Variants in LRRTM4 observed in about 807,000 individuals in gnomAD.
LRRTM4 encodes leucine rich repeat transmembrane neuronal 4, also known as leucine-rich repeat transmembrane neuronal protein 4.
In LRRTM4, 25 loss-of-function variants were observed where a neutral mutation model predicts 47.6. The ratio of observed to expected loss-of-function variants is 0.53; its 90% CI spans 0.38 to 0.73. The LOEUF is 0.73. LRRTM4 is among the 30% of genes least tolerant of loss of function. The pLI is 0.00. For missense variants in LRRTM4, 638 were observed against 713.4 expected, an observed-to-expected ratio of 0.89 and a Z score of 1.20; for synonymous variants, 311 against 269.5, an observed-to-expected ratio of 1.15 and a Z score of -1.51.
chr2:77,246,676 C>T (rs957509071), intron 3 of LRRTM4, among the ~76,000 whole-genome samples: 1 of 151,926 alleles, frequency 6.6e-6, no homozygotes, highest in Non-Finnish European at 1.5e-5. Context: ...CTGAAATTCC[C>T]TGCCTACTTC....
At chr2:77,001,503 T>C (rs1677427107) in intron 3 of LRRTM4, among the ~76,000 whole-genome samples, 2 of 152,166 alleles carry the variant, frequency 1.3e-5, no homozygotes, top group African/African-American at 4.8e-5. Flanking sequence ...TCCTTTTCTC[T>C]GCATGAGAAT....
chr2:77,432,183 C>T (rs1675406326), intron 3 of LRRTM4, among the ~76,000 whole-genome samples: 1 of 152,178 alleles, frequency 6.6e-6, no homozygotes. Context: ...ATCTTTGACT[C>T]AACTTCTTGC....
intron 3 of LRRTM4, among the ~76,000 whole-genome samples, chr2:76,986,995 T>C (rs1409871428): frequency 6.6e-6 from 1 of 151,856 alleles, no homozygotes. Context: ...TAGCCAAAAG[T>C]GGGAAGGTAT....
chr2:76,810,648 A>C (rs1670705426), intron 3 of LRRTM4, among the ~76,000 whole-genome samples: 1 of 152,182 alleles, frequency 6.6e-6, no homozygotes, highest in Non-Finnish European at 1.5e-5. Flanking sequence ...TATATTCCAA[A>C]TATAAAAGTC....
chr2:76,894,164 T>C (rs1293558944), intron 3 of LRRTM4, among the ~76,000 whole-genome samples: 1 of 151,978 alleles, frequency 6.6e-6, no homozygotes, highest in Non-Finnish European at 1.5e-5. Flanking sequence ...AATTTTTTAT[T>C]CTCTAAAATT....
At chr2:76,909,178 G>T (rs1673958906) in intron 3 of LRRTM4, among the ~76,000 whole-genome samples, 1 of 152,178 alleles carries the variant, frequency 6.6e-6, no homozygotes, top group African/African-American at 2.4e-5. Flanking sequence ...AGAGCCCTCA[G>T]AAATAATGCT....
At chr2:77,216,047 T>A (rs956921094) in intron 3 of LRRTM4, among the ~76,000 whole-genome samples, 16 of 151,912 alleles carry the variant, frequency 1.1e-4, no homozygotes, top group African/African-American at 3.9e-4. Context: ...AGGGGTGCCT[T>A]CTATTTTTTG....
chr2:76,981,299 TTTC>T (rs1676599874), intron 3 of LRRTM4, among the ~76,000 whole-genome samples: 4 of 152,072 alleles, frequency 2.6e-5, no homozygotes, highest in South Asian at 4.1e-4. Context: ...AAGGAAATTA[TTTC>T]TTAACTATCT....
intron 3 of LRRTM4, among the ~76,000 whole-genome samples, chr2:76,782,041 TTTTGC>T: frequency 1.3e-5 from 2 of 152,332 alleles, no homozygotes; most frequent in South Asian, 4.1e-4. Context: ...TTCACCTTCC[TTTTGC>T]TTTAAGTTGT....
intron 3 of LRRTM4, among the ~76,000 whole-genome samples, chr2:77,399,711 C>T (rs1281579743): frequency 6.6e-6 from 1 of 151,876 alleles, no homozygotes; most frequent in African/African-American, 2.4e-5. Flanking sequence ...AATCAAACAC[C>T]TAAAACATTT....
chr2:76,943,447 T>G (rs2103867585), intron 3 of LRRTM4, among the ~76,000 whole-genome samples: 1 of 152,042 alleles, frequency 6.6e-6, no homozygotes, highest in East Asian at 1.9e-4. Flanking sequence ...AACAAAAAAA[T>G]AAATTAATTA....
chr2:77,460,401 T>G (rs532948393), intron 3 of LRRTM4, among the ~76,000 whole-genome samples: 1 of 152,250 alleles, frequency 6.6e-6, no homozygotes, highest in South Asian at 2.1e-4. Flanking sequence ...CTATGAGCTT[T>G]CTGTTATCAG....
At chr2:77,132,826 G>A (rs1372536180) in intron 3 of LRRTM4, among the ~76,000 whole-genome samples, 7 of 152,076 alleles carry the variant, frequency 4.6e-5, no homozygotes, top group Non-Finnish European at 7.4e-5. Flanking sequence ...GATCAACACA[G>A]ACTCAGAAGC....
intron 3 of LRRTM4, among the ~76,000 whole-genome samples, chr2:76,844,938 G>A (rs1213199911): frequency 1.3e-5 from 2 of 152,060 alleles, no homozygotes; most frequent in African/African-American, 4.8e-5. Context: ...GTGACAGTCT[G>A]AAAAGCCTAC....
intron 3 of LRRTM4, among the ~76,000 whole-genome samples, chr2:77,329,273 T>C (rs1670886524): frequency 6.6e-6 from 1 of 152,218 alleles, no homozygotes; most frequent in African/African-American, 2.4e-5. Context: ...CCCTCTGAAT[T>C]TCTAACCAAA....
At chr2:77,002,405 C>G (rs1168520370) in intron 3 of LRRTM4, among the ~76,000 whole-genome samples, 2 of 152,038 alleles carry the variant, frequency 1.3e-5, no homozygotes. Flanking sequence ...GTATGCAGAT[C>G]CCCAGCAAAT....
chr2:77,293,730 A>G (rs1234017875), intron 3 of LRRTM4, among the ~76,000 whole-genome samples: 1 of 152,132 alleles, frequency 6.6e-6, no homozygotes, highest in Non-Finnish European at 1.5e-5. Flanking sequence ...TTGCAATTAG[A>G]CAAGGTCATG....
chr2:76,781,788 G>T (rs953257945), intron 3 of LRRTM4, among the ~76,000 whole-genome samples: 3 of 152,050 alleles, frequency 2.0e-5, no homozygotes, highest in South Asian at 2.1e-4. Context: ...AATTTCCTTT[G>T]TGGCATTTCT....
intron 3 of LRRTM4, among the ~76,000 whole-genome samples, chr2:77,277,220 C>T (rs555233149): frequency 7.2e-4 from 109 of 152,000 alleles, no homozygotes; most frequent in African/African-American, 2.5e-3. Context: ...ATCAACAATC[C>T]CACAGAGGAC....
Sources: allele counts gnomAD v4.1 joint callset (sites outside exome capture counted in the v4.1 genomes callset), GRCh38; gene constraint gnomAD v4.1.1; transcripts MANE v1.5; gene names NCBI Gene and HGNC (gene_info 2026-07-23, HGNC 2026-07-21).